KITLG: variants seen among roughly 807,000 people sequenced by gnomAD.
KITLG encodes c-Kit ligand.
A neutral mutation model predicts 34.1 loss-of-function variants in KITLG; 13 were observed. That is an observed-to-expected ratio of 0.38 (90% CI 0.25 to 0.61). KITLG has a LOEUF of 0.61. KITLG is among the 20% of genes least tolerant of loss of function. The pLI is 0.60. For missense variants in KITLG, 292 were observed against 318.9 expected, an observed-to-expected ratio of 0.92 and a Z score of 0.64; for synonymous variants, 110 against 104.0, an observed-to-expected ratio of 1.06 and a Z score of -0.35.
intron 1 of KITLG, among the ~76,000 whole-genome samples, chr12:88,575,717 A>AAGAAC (rs1871804470): frequency 6.6e-6 from 1 of 152,228 alleles, no homozygotes; most frequent in Non-Finnish European, 1.5e-5. Flanking sequence ...GTGTAAGACC[A>AAGAAC]AGAACAGTTT....
At chr12:88,553,732 AAAT>A (rs1300941048) in intron 1 of KITLG, among the ~76,000 whole-genome samples, 1 of 152,172 alleles carries the variant, frequency 6.6e-6, no homozygotes, top group Non-Finnish European at 1.5e-5. Context: ...TTAGGAAAAA[AAAT>A]AATGAGAAAT....
chr12:88,565,622 TAAAC>T (rs62660362), intron 1 of KITLG, among the ~76,000 whole-genome samples: 4,319 of 152,228 alleles, frequency 0.028, 210 homozygotes, highest in African/African-American at 0.099. Flanking sequence ...AGACTCCATT[TAAAC>T]AAACAAAGAA....
intron 1 of KITLG, among the ~76,000 whole-genome samples, chr12:88,559,968 G>A (rs1330575206): frequency 6.6e-6 from 1 of 152,160 alleles, no homozygotes; most frequent in Non-Finnish European, 1.5e-5. Flanking sequence ...GTCAATTGCA[G>A]GCTCACTGTT....
intron 1 of KITLG, among the ~76,000 whole-genome samples, chr12:88,559,406 C>T (rs905397801): frequency 2.0e-5 from 3 of 152,142 alleles, no homozygotes; most frequent in Non-Finnish European, 2.9e-5. Flanking sequence ...CTGCACTGGC[C>T]GCAACATATT....
intron 1 of KITLG, among the ~76,000 whole-genome samples, chr12:88,578,323 C>T (rs1051981086): frequency 6.6e-6 from 1 of 152,084 alleles, no homozygotes; most frequent in Admixed American, 6.5e-5. Context: ...AGGGTACTGC[C>T]CTCCTTTGCC....
intron 1 of KITLG, among the ~76,000 whole-genome samples, chr12:88,568,617 C>A (rs572570769): frequency 6.6e-6 from 1 of 152,152 alleles, no homozygotes; most frequent in Admixed American, 6.6e-5. Context: ...CTGTCTAACT[C>A]CAAACCCCAT....
chr12:88,526,971 C>T (rs1869895757), intron 3 of KITLG, among the ~76,000 whole-genome samples: 1 of 151,644 alleles, frequency 6.6e-6, no homozygotes, highest in Non-Finnish European at 1.5e-5. Context: ...CAGGTTCACG[C>T]CATTCTCCTG....
At chr12:88,502,845 T>C (rs1868914435) in intron 9 of KITLG, among the ~76,000 whole-genome samples, 1 of 151,800 alleles carries the variant, frequency 6.6e-6, no homozygotes, top group Non-Finnish European at 1.5e-5. Context: ...AACCATTTAA[T>C]GTGTGGTTTG....
At chr12:88,556,921 GGAGCTGACCTT>G (rs1871116074) in intron 1 of KITLG, among the ~76,000 whole-genome samples, 1 of 152,192 alleles carries the variant, frequency 6.6e-6, no homozygotes, top group Non-Finnish European at 1.5e-5. Flanking sequence ...AGTACTTAAT[GGAGCTGACCTT>G]AATGAGGGCA....
intron 6 of KITLG, among the ~76,000 whole-genome samples, chr12:88,514,237 CAAT>C (rs1361385060): frequency 1.3e-5 from 2 of 151,422 alleles, no homozygotes; most frequent in Non-Finnish European, 3.0e-5. Flanking sequence ...AGTTTAAAAT[CAAT>C]GATCTAATTT....
chr12:88,534,603 G>A (rs1870235555), intron 2 of KITLG: 2 of 460,312 alleles, frequency 4.3e-6, no homozygotes, highest in Non-Finnish European at 8.5e-6. Flanking sequence ...CTGGCCTCAA[G>A]TGATCTGCCT....
intron 1 of KITLG, among the ~76,000 whole-genome samples, chr12:88,574,988 T>C (rs1274520688): frequency 6.6e-6 from 1 of 152,238 alleles, no homozygotes; most frequent in African/African-American, 2.4e-5. Flanking sequence ...TTTCTCCCCA[T>C]TGGCTTATTC....
At chr12:88,579,359 G>A (rs967588956) in intron 1 of KITLG, among the ~76,000 whole-genome samples, 12 of 152,056 alleles carry the variant, frequency 7.9e-5, no homozygotes, top group Non-Finnish European at 1.3e-4. Context: ...CAATTTCTAA[G>A]GGGGAAAGTG....
chr12:88,535,460 GAGAGGTTAA>G (rs1414515411), intron 2 of KITLG, among the ~76,000 whole-genome samples: 8 of 152,142 alleles, frequency 5.3e-5, no homozygotes, highest in African/African-American at 1.9e-4. Flanking sequence ...TGGAAACTCA[GAGAGGTTAA>G]CCGGTATCCC....
chr12:88,542,864 T>G (rs1390974922), intron 2 of KITLG, among the ~76,000 whole-genome samples: 1 of 152,138 alleles, frequency 6.6e-6, no homozygotes, highest in Non-Finnish European at 1.5e-5. Context: ...ACTTTAAACA[T>G]ATTTTGGAGA....
chr12:88,563,385 C>G (rs936121941), intron 1 of KITLG, among the ~76,000 whole-genome samples: 2 of 152,198 alleles, frequency 1.3e-5, no homozygotes, highest in Non-Finnish European at 2.9e-5. Context: ...ACAAAACCAG[C>G]TACCTTTTCT....
chr12:88,506,270 T>C lies in KITLG; in HGVS notation c.782+41A>G, dbSNP rs751858141. ...AGGTACACAGTGTGTGAAATGGCAA[T>C]GTCATGCTTGATTGGGCACACATTT... On this transcript the variant is annotated intron_variant, in intron 8 of 9. Coordinates refer to ENST00000644744, the MANE Select transcript of KITLG (RefSeq NM_000899.5). The C allele has an allele frequency of 5.2e-6, 7 of 1,349,914 alleles. No homozygotes were observed. In the East Asian group the frequency reaches 9.2e-5, roughly 18 times the overall value. 83.6% of individuals were successfully genotyped at this position (1,349,914 alleles called of 1,614,324 possible). A position where few individuals can be genotyped will look rare whatever the true frequency, so the allele number is the denominator to read the frequency against.
At chr12:88,506,079 C>A (rs1028929149) in intron 8 of KITLG, among the ~76,000 whole-genome samples, 1 of 152,160 alleles carries the variant, frequency 6.6e-6, no homozygotes, top group African/African-American at 2.4e-5. Flanking sequence ...AACCCCTTTA[C>A]AAACCCTAAG....
intron 3 of KITLG, among the ~76,000 whole-genome samples, chr12:88,531,094 C>A (rs1344930733): frequency 6.6e-6 from 1 of 152,134 alleles, no homozygotes; most frequent in South Asian, 2.1e-4. Context: ...CATAAAACAA[C>A]TTGTCAAAGC....
Sources: allele counts gnomAD v4.1 joint callset (sites outside exome capture counted in the v4.1 genomes callset), GRCh38; gene constraint gnomAD v4.1.1; transcripts MANE v1.5; gene names NCBI Gene and HGNC (gene_info 2026-07-23, HGNC 2026-07-21).